Variants in ELMO1 observed in about 807,000 individuals in gnomAD.
ELMO1 encodes engulfment and cell motility protein 1.
Under a neutral mutation model 98.9 loss-of-function variants are expected in ELMO1, and 26 were observed. That is an observed-to-expected ratio of 0.26 (90% CI 0.19 to 0.36). The LOEUF is 0.36. Ranked by LOEUF, ELMO1 falls within the 10% of genes least tolerant of loss-of-function variation. ELMO1 has a pLI of 1.00. For synonymous variants in ELMO1, 346 were observed against 346.0 expected (o/e 1.00, Z 0.00); for missense variants, 627 against 935.2 (o/e 0.67, Z 4.30).
chr7:37,236,072 T>C (rs1252594400), intron 7 of ELMO1, among the ~76,000 whole-genome samples: 1 of 152,242 alleles, frequency 6.6e-6, no homozygotes, highest in African/African-American at 2.4e-5. Flanking sequence ...ATTTATGTTC[T>C]CTAATATATG....
At position 36,984,806 on chromosome 7, in the gene ELMO1, A is replaced by T. The variant is rs1013067121; in HGVS notation, c.1437+28493T>A. 5.4e-6 allele frequency: 4 copies of T among 744,734 alleles called. No homozygotes were observed. The African/African-American group carries it at 7.6e-5, about 14-fold the overall frequency. 46.1% of individuals were successfully genotyped at this position (744,734 alleles called of 1,614,324 possible). On this transcript the variant is annotated intron_variant, in intron 16 of 21. Coordinates refer to ENST00000310758, the MANE Select transcript of ELMO1 (RefSeq NM_014800.11). Reference sequence around the variant, plus strand: ...AGGAAATCACATTTTAAAAAAAGTAACATGATGAATCCTCAAAATCAGGAG... The same window carrying T: ...AGGAAATCACATTTTAAAAAAAGTATCATGATGAATCCTCAAAATCAGGAG...
At chr7:36,909,499 G>A (rs911213376) in intron 16 of ELMO1, among the ~76,000 whole-genome samples, 8 of 152,236 alleles carry the variant, frequency 5.3e-5, no homozygotes, top group Admixed American at 3.3e-4. Flanking sequence ...GCTAAAAAGC[G>A]ATCAAAGATT....
chr7:37,338,689 TAACAA>T (rs1800554225), intron 2 of ELMO1, among the ~76,000 whole-genome samples: 1 of 152,088 alleles, frequency 6.6e-6, no homozygotes, highest in African/African-American at 2.4e-5. Context: ...CATAATAGGT[TAACAA>T]GAACAGTGCA....
At chr7:37,392,599 T>C (rs1803128510) in intron 1 of ELMO1, among the ~76,000 whole-genome samples, 1 of 152,220 alleles carries the variant, frequency 6.6e-6, no homozygotes, top group Non-Finnish European at 1.5e-5. Context: ...CTTCCACATC[T>C]GCTGCCAGGT....
chr7:37,109,795 C>T (rs1785147073), intron 14 of ELMO1, among the ~76,000 whole-genome samples: 2 of 152,202 alleles, frequency 1.3e-5, no homozygotes, highest in Admixed American at 6.5e-5. Context: ...TGGCCTGCCT[C>T]TCAGTTAACT....
intron 4 of ELMO1, among the ~76,000 whole-genome samples, chr7:37,295,916 C>T (rs778517710): frequency 8.5e-5 from 13 of 152,128 alleles, no homozygotes; most frequent in Non-Finnish European, 1.9e-4. Flanking sequence ...ACATTCAATA[C>T]GCTTTTGTGT....
At chr7:37,440,967 G>A (rs1805393075) in intron 1 of ELMO1, among the ~76,000 whole-genome samples, 1 of 151,928 alleles carries the variant, frequency 6.6e-6, no homozygotes, top group African/African-American at 2.4e-5. Context: ...AAAGCCAGCT[G>A]TGGTTACGCA....
At chr7:37,110,674 T>C (rs576687308) in intron 14 of ELMO1, among the ~76,000 whole-genome samples, 1 of 152,244 alleles carries the variant, frequency 6.6e-6, no homozygotes, top group Non-Finnish European at 1.5e-5. Context: ...TTAAAATCAT[T>C]TCACCGGCTC....
At chr7:37,348,781 ATC>A (rs1801126994) in intron 1 of ELMO1, among the ~76,000 whole-genome samples, 1 of 152,076 alleles carries the variant, frequency 6.6e-6, no homozygotes, top group Non-Finnish European at 1.5e-5. Context: ...TCTCTTAAAG[ATC>A]TGTTACATCT....
chr7:37,069,088 C>A (rs2129222837), intron 15 of ELMO1, among the ~76,000 whole-genome samples: 1 of 152,224 alleles, frequency 6.6e-6, no homozygotes, highest in Middle Eastern at 3.4e-3. Flanking sequence ...TCTAAGATTG[C>A]AGCTGCTGCT....
At chr7:37,215,101 C>T (rs772279285) in intron 11 of ELMO1, among the ~76,000 whole-genome samples, 7 of 152,208 alleles carry the variant, frequency 4.6e-5, no homozygotes, top group Non-Finnish European at 1.0e-4. Flanking sequence ...AGATGCTCTC[C>T]CAAGATTCAT....
At chr7:37,019,452 C>T (rs1015174092) in intron 15 of ELMO1, among the ~76,000 whole-genome samples, 1 of 152,208 alleles carries the variant, frequency 6.6e-6, no homozygotes, top group Non-Finnish European at 1.5e-5. Flanking sequence ...AGACAGCAAG[C>T]TCAATCCAAG....
At chr7:37,383,624 A>G (rs1351759546) in intron 1 of ELMO1, among the ~76,000 whole-genome samples, 7 of 152,340 alleles carry the variant, frequency 4.6e-5, no homozygotes, top group African/African-American at 1.7e-4. Context: ...TGGAAATTTT[A>G]TTTGGGGATT....
chr7:37,087,509 C>A (rs1217159966), intron 15 of ELMO1, among the ~76,000 whole-genome samples: 1 of 151,600 alleles, frequency 6.6e-6, no homozygotes, highest in African/African-American at 2.4e-5. Flanking sequence ...TATTATGAAA[C>A]ACTATTTTAA....
intron 4 of ELMO1, among the ~76,000 whole-genome samples, chr7:37,289,500 T>C (rs1797567185): frequency 6.6e-6 from 1 of 152,172 alleles, no homozygotes; most frequent in African/African-American, 2.4e-5. Context: ...GCCTCAACAC[T>C]GAAGCAAAGT....
chr7:37,406,682 T>A (rs1347458262), intron 1 of ELMO1, among the ~76,000 whole-genome samples: 1 of 152,104 alleles, frequency 6.6e-6, no homozygotes, highest in Non-Finnish European at 1.5e-5. Context: ...GACCTTGTGA[T>A]CTGCCCGCCT....
chr7:36,860,564 G>A (rs1802549337), intron 21 of ELMO1, among the ~76,000 whole-genome samples: 2 of 152,152 alleles, frequency 1.3e-5, no homozygotes. Context: ...ATGTACACTG[G>A]GGAAAACAGC....
At chr7:36,871,495 A>G (rs1028025140) in intron 19 of ELMO1, among the ~76,000 whole-genome samples, 2 of 152,226 alleles carry the variant, frequency 1.3e-5, no homozygotes, top group African/African-American at 4.8e-5. Context: ...TCCAATCCCT[A>G]ACCCTCCAGC....
intron 16 of ELMO1, chr7:36,986,087 G>A: frequency 1.0e-6 from 1 of 993,918 alleles, no homozygotes; most frequent in Non-Finnish European, 1.2e-6. Context: ...TGAGCCATGT[G>A]AACAGAGACC....
Sources: allele counts gnomAD v4.1 joint callset (sites outside exome capture counted in the v4.1 genomes callset), GRCh38; gene constraint gnomAD v4.1.1; transcripts MANE v1.5; gene names NCBI Gene and HGNC (gene_info 2026-07-23, HGNC 2026-07-21).